Variants in CAPZA1 observed in about 807,000 individuals in gnomAD.
CAPZA1 encodes capping actin protein of muscle Z-line subunit alpha 1.
CAPZA1 carries 10 observed loss-of-function variants against 40.8 expected under a neutral mutation model. The ratio of observed to expected loss-of-function variants is 0.25; its 90% CI spans 0.15 to 0.42. The LOEUF (loss-of-function observed/expected upper bound fraction) is 0.42, where lower values mean the gene tolerates loss of function less well. CAPZA1 is among the 10% of genes least tolerant of loss of function. CAPZA1 has a pLI of 1.00. For missense variants in CAPZA1, 277 were observed against 353.8 expected (o/e 0.78, Z 1.74); for synonymous variants, 98 against 115.0 (o/e 0.85, Z 0.95).
At chr1:112,643,988 G>A (rs1232003154) in intron 1 of CAPZA1, among the ~76,000 whole-genome samples, 4 of 151,928 alleles carry the variant, frequency 2.6e-5, no homozygotes, top group Non-Finnish European at 5.9e-5. Flanking sequence ...GGGATTACAG[G>A]TGTGTGCCAC....
At chr1:112,628,886 C>G (rs1035044167) in intron 1 of CAPZA1, among the ~76,000 whole-genome samples, 1 of 152,172 alleles carries the variant, frequency 6.6e-6, no homozygotes, top group Non-Finnish European at 1.5e-5. Flanking sequence ...TAAAATAAAC[C>G]CAGAATTTGA....
chr1:112,670,248 C>G lies in CAPZA1; in HGVS notation c.*116C>G. 8.2e-7 allele frequency: 1 copy of G among 1,214,474 alleles called. No homozygotes were observed. The highest frequency in any genetic ancestry group is 1.2e-6 in the Non-Finnish European group (1 of 857,586). The allele number at this position is 1,214,474 out of a possible 1,614,324, so 75.2% of individuals were successfully genotyped here. On this transcript the variant is annotated 3_prime_UTR_variant, in exon 10 of 10. Coordinates refer to ENST00000263168, the MANE Select transcript of CAPZA1 (RefSeq NM_006135.3). ...ATTTTGCTAGGGCTTTCAAAGTTAA[C>G]CGGTTTTCTAGCCTCATGGAATACT...
In CAPZA1 at chr1:112,654,586, A is replaced by G. The variant is rs779830754; in HGVS notation, c.341A>G (p.Asp114Gly). The G allele has an allele frequency of 6.2e-7, 1 of 1,613,982 alleles. No individual in the cohort carries two copies. The highest frequency in any genetic ancestry group is 8.5e-7 in the Non-Finnish European group (1 of 1,179,832). The part of the protein sequence containing the change: ...EASDPQPEEA[D>G]GGLKSWRESC... ...AGTGACCCCCAGCCAGAAGAAGCAG[A>G]TGGAGGTCTGAAGTCTTGGAGAGAA... Residue 114 changes from aspartate (D) to glycine (G), a missense_variant, in exon 5 of 10, where the codon GAT (aspartate) becomes GGT (glycine). Asp to Gly is a moderately conservative substitution (Grantham distance 94). Coordinates refer to ENST00000263168, the MANE Select transcript of CAPZA1 (RefSeq NM_006135.3).
intron 1 of CAPZA1, among the ~76,000 whole-genome samples, chr1:112,644,604 A>AT: frequency 6.6e-6 from 1 of 152,142 alleles, no homozygotes; most frequent in Non-Finnish European, 1.5e-5. Flanking sequence ...TCAACAGAGG[A>AT]TAACTAGCTA....
intron 1 of CAPZA1, among the ~76,000 whole-genome samples, chr1:112,641,517 AC>A (rs1303516938): frequency 1.3e-5 from 2 of 152,154 alleles, no homozygotes; most frequent in Admixed American, 6.5e-5. Flanking sequence ...CACTTCTCAA[AC>A]TTTTTTACTG....
At chr1:112,636,800 T>C (rs981990254) in intron 1 of CAPZA1, among the ~76,000 whole-genome samples, 11 of 152,196 alleles carry the variant, frequency 7.2e-5, no homozygotes, top group Non-Finnish European at 2.9e-5. Context: ...TCATCCCTCA[T>C]CTGTATTGTA....
At chr1:112,653,173 A>G (rs1183274615) in intron 3 of CAPZA1, among the ~76,000 whole-genome samples, 1 of 152,210 alleles carries the variant, frequency 6.6e-6, no homozygotes, top group Non-Finnish European at 1.5e-5. Context: ...GATTGCTTCA[A>G]ACTTTGGAAT....
chr1:112,634,026 T>A (rs1670971169), intron 1 of CAPZA1, among the ~76,000 whole-genome samples: 1 of 152,188 alleles, frequency 6.6e-6, no homozygotes, highest in Non-Finnish European at 1.5e-5. Flanking sequence ...TTCCTCCCAG[T>A]CACTTAGTTG....
chr1:112,646,185 G>A (rs990730324), intron 1 of CAPZA1, among the ~76,000 whole-genome samples: 32 of 152,196 alleles, frequency 2.1e-4, no homozygotes, highest in African/African-American at 7.5e-4. Context: ...CAGAGGCTAG[G>A]TTGAATAACA....
intron 7 of CAPZA1, among the ~76,000 whole-genome samples, chr1:112,662,939 T>G (rs1671649900): frequency 6.6e-6 from 1 of 152,012 alleles, no homozygotes; most frequent in Non-Finnish European, 1.5e-5. Flanking sequence ...CCATCCTGTT[T>G]GTAATAATTC....
intron 4 of CAPZA1, 41 bp downstream of exon 4, chr1:112,653,702 T>C (rs1188221972): frequency 1.5e-6 from 2 of 1,310,794 alleles, no homozygotes; most frequent in Admixed American, 2.1e-5. Flanking sequence ...TGGCAGATAG[T>C]AGAGATCCTA....
intron 1 of CAPZA1, among the ~76,000 whole-genome samples, chr1:112,642,524 CT>C (rs947822778): frequency 1.3e-5 from 2 of 152,042 alleles, no homozygotes; most frequent in Non-Finnish European, 2.9e-5. Flanking sequence ...CGACCACCCT[CT>C]TTTTAATGTA....
At chr1:112,651,698 C>CA (rs1386150052) in intron 3 of CAPZA1, among the ~76,000 whole-genome samples, 5 of 57,412 alleles carry the variant, frequency 8.7e-5, no homozygotes, top group African/African-American at 3.0e-4. Context: ...ACTTCCTACT[C>CA]GTTTTTTTTT....
intron 7 of CAPZA1, among the ~76,000 whole-genome samples, chr1:112,663,004 C>T (rs920838605): frequency 2.6e-5 from 4 of 151,642 alleles, no homozygotes; most frequent in Non-Finnish European, 5.9e-5. Flanking sequence ...CTTGCTCTGT[C>T]GCCAGGCTGG....
Position 112,670,114 on chromosome 1 carries a change from A to G in CAPZA1, c.843A>G (p.Lys281=). The G allele has an allele frequency of 6.2e-7, 1 of 1,614,010 alleles. No individual in the cohort carries two copies. Among genetic ancestry groups the G allele is most frequent in the Non-Finnish European group, 8.5e-7 (1 of 1,179,860 alleles). ...AGATACTCAGCTACAAGATTGGCAA[A>G]GAAATGCAGAATGCTTAAAGGCTGA... ...WNKILSYKIG[K]EMQNA is the part of the protein sequence containing the mutation. Residue 281 remains lysine (K), a synonymous_variant, in exon 10 of 10, where the codon AAA becomes AAG. Transcript: ENST00000263168.
At chr1:112,623,719 G>A (rs1449734881) in intron 1 of CAPZA1, among the ~76,000 whole-genome samples, 1 of 150,704 alleles carries the variant, frequency 6.6e-6, no homozygotes, top group Non-Finnish European at 1.5e-5. Context: ...CGGGCGCGGT[G>A]GTTCATGCCT....
chr1:112,651,288 A>G (rs931440656), intron 3 of CAPZA1, among the ~76,000 whole-genome samples: 1 of 152,214 alleles, frequency 6.6e-6, no homozygotes, highest in East Asian at 1.9e-4. Context: ...ATAGGAAGTA[A>G]GATTGTTTTG....
intron 1 of CAPZA1, among the ~76,000 whole-genome samples, chr1:112,639,743 T>A (rs1265763394): frequency 6.6e-6 from 1 of 151,538 alleles, no homozygotes; most frequent in Non-Finnish European, 1.5e-5. Context: ...ATGCTCCTTT[T>A]TTTATTAAAA....
At chr1:112,648,747 T>C (rs1166105856) in intron 2 of CAPZA1, among the ~76,000 whole-genome samples, 1 of 151,802 alleles carries the variant, frequency 6.6e-6, no homozygotes, top group Non-Finnish European at 1.5e-5. Flanking sequence ...CAGATCGCCT[T>C]AGGTCAGGAG....
Sources: allele counts gnomAD v4.1 joint callset (sites outside exome capture counted in the v4.1 genomes callset), GRCh38; gene constraint gnomAD v4.1.1; transcripts MANE v1.5; gene names NCBI Gene and HGNC (gene_info 2026-07-23, HGNC 2026-07-21).